The following BAIAP2L1 variants were observed in gnomAD, a reference collection of about 807,000 sequenced individuals.
The protein encoded by BAIAP2L1 is BAR/IMD domain-containing adapter protein 2-like 1.
In BAIAP2L1, 35 loss-of-function variants were observed where a neutral mutation model predicts 66.3. The ratio of observed to expected loss-of-function variants is 0.53; its 90% CI spans 0.40 to 0.70. The LOEUF (loss-of-function observed/expected upper bound fraction) is 0.70. Among genes scored for constraint, BAIAP2L1 ranks in the 30% least tolerant of loss-of-function variants. BAIAP2L1 has a pLI of 0.00. For synonymous variants in BAIAP2L1, 269 were observed against 248.7 expected (o/e 1.08, Z -0.77); for missense variants, 622 against 656.9 (o/e 0.95, Z 0.58).
intron 8 of BAIAP2L1, 98 bp from the exon 9 acceptor site, chr7:98,310,690 T>TTATTTATC (rs1196716030): frequency 3.4e-6 from 3 of 888,980 alleles, no homozygotes; most frequent in Non-Finnish European, 4.8e-6. Flanking sequence ...AATAGGCTAT[T>TTATTTATC]TATTTATTTA....
intron 3 of BAIAP2L1, among the ~76,000 whole-genome samples, chr7:98,343,539 G>T (rs963663712): frequency 1.3e-5 from 2 of 152,142 alleles, no homozygotes; most frequent in African/African-American, 2.4e-5. Flanking sequence ...TTGGGTTGAC[G>T]GTTTGTTTGC....
rs71112149 is a variant in BAIAP2L1 at position 98,377,967 on chromosome 7, TAA to T, written c.52-15537_52-15536del. On this transcript the variant is annotated intron_variant, in intron 1 of 13. Transcript: ENST00000005260. ...ACACATAGTGAAACCCCATCTCTAC[TAA>T]AAAAAAAAAATACAAAAATTAGCTG... Among the ~76,000 whole-genome samples the T allele has an allele frequency of 1.5e-3, 220 of 145,518 alleles. 1 individual carries two copies. Among genetic ancestry groups the T allele is most frequent in the African/African-American group, 4.6e-3 (180 of 39,328 alleles).
intron 1 of BAIAP2L1, among the ~76,000 whole-genome samples, chr7:98,374,691 A>C (rs976148069): frequency 9.2e-5 from 14 of 152,056 alleles, no homozygotes; most frequent in African/African-American, 3.4e-4. Context: ...GAATATAATT[A>C]ATCTAATAGC....
intron 1 of BAIAP2L1, among the ~76,000 whole-genome samples, chr7:98,376,368 G>T (rs949735081): frequency 4.6e-5 from 7 of 151,966 alleles, no homozygotes; most frequent in African/African-American, 1.7e-4. Context: ...TTAGCCAGGT[G>T]GGGTGGCATG....
intron 8 of BAIAP2L1, 149 bp downstream of exon 8, chr7:98,311,948 G>T: frequency 1.4e-6 from 1 of 734,614 alleles, no homozygotes; most frequent in Non-Finnish European, 2.2e-6. Context: ...AGCTACCTTC[G>T]CCCCTAAAGG....
At chr7:98,371,751 G>A (rs898379143) in intron 1 of BAIAP2L1, among the ~76,000 whole-genome samples, 1 of 151,818 alleles carries the variant, frequency 6.6e-6, no homozygotes, top group South Asian at 2.1e-4. Flanking sequence ...AGCCAGATAA[G>A]CTGAGTGGAC....
chr7:98,334,405 A>G (rs6465672), intron 3 of BAIAP2L1, among the ~76,000 whole-genome samples: 61,240 of 151,890 alleles, frequency 0.4, 13,311 homozygotes, highest in Middle Eastern at 0.55. Context: ...TTGAACTCAT[A>G]CTTCTAAAAT....
intron 3 of BAIAP2L1, among the ~76,000 whole-genome samples, chr7:98,336,015 G>A (rs1044122721): frequency 6.6e-6 from 1 of 152,132 alleles, no homozygotes; most frequent in Non-Finnish European, 1.5e-5. Context: ...TGCAGCTGGA[G>A]GCCAGTATCC....
intron 2 of BAIAP2L1, among the ~76,000 whole-genome samples, chr7:98,356,205 G>C (rs537834915): frequency 1.6e-4 from 25 of 152,320 alleles, no homozygotes; most frequent in African/African-American, 5.8e-4. Context: ...AAGAATGTGA[G>C]TGACAGATGA....
intron 3 of BAIAP2L1, among the ~76,000 whole-genome samples, chr7:98,352,407 G>GT (rs1802019451): frequency 2.0e-5 from 3 of 152,150 alleles, no homozygotes; most frequent in Admixed American, 2.0e-4. Context: ...TTTGAGAGGC[G>GT]TAGGCGGGTG....
At chr7:98,332,239 C>T (rs1301785153) in intron 3 of BAIAP2L1, among the ~76,000 whole-genome samples, 3 of 151,032 alleles carry the variant, frequency 2.0e-5, no homozygotes, top group East Asian at 3.9e-4. Context: ...AAAAATTAGC[C>T]GGGTGTGGTG....
At chr7:98,332,057 T>C (rs1801505859) in intron 3 of BAIAP2L1, among the ~76,000 whole-genome samples, 1 of 151,770 alleles carries the variant, frequency 6.6e-6, no homozygotes, top group Non-Finnish European at 1.5e-5. Context: ...GAGACAAAAA[T>C]CACATAGGTC....
chr7:98,338,870 G>A (rs1045819724), intron 3 of BAIAP2L1, among the ~76,000 whole-genome samples: 12 of 151,904 alleles, frequency 7.9e-5, no homozygotes, highest in Non-Finnish European at 1.6e-4. Context: ...GGTCAGGAGT[G>A]TGAGACCAGC....
chr7:98,400,944 A>T lies in BAIAP2L1; in HGVS notation c.-92T>A, dbSNP rs1174516334. 1.6e-6 allele frequency: 2 copies of T among 1,286,946 alleles called. No homozygotes were observed. The highest frequency in any genetic ancestry group is 3.2e-5 in the African/African-American group (2 of 62,734). The allele number at this position is 1,286,946 out of a possible 1,614,324, so 79.7% of individuals were successfully genotyped here. Reference sequence around the variant, plus strand: ...GCAGCGGGAGGGCCGGGGCGCGACTAAGGGGCTCTGGAGGGTCGGCCGCCG... The same window carrying T: ...GCAGCGGGAGGGCCGGGGCGCGACTTAGGGGCTCTGGAGGGTCGGCCGCCG... On this transcript the variant is annotated 5_prime_UTR_variant, in exon 1 of 14. Coordinates refer to ENST00000005260, the MANE Select transcript of BAIAP2L1 (RefSeq NM_018842.5).
intron 2 of BAIAP2L1, among the ~76,000 whole-genome samples, chr7:98,362,041 A>G (rs1240874474): frequency 6.6e-6 from 1 of 152,206 alleles, no homozygotes; most frequent in Non-Finnish European, 1.5e-5. Context: ...TCTGTGCTGT[A>G]GGACCCTAAC....
At chr7:98,299,965 C>T (rs367672127) in intron 12 of BAIAP2L1, among the ~76,000 whole-genome samples, 1 of 152,140 alleles carries the variant, frequency 6.6e-6, no homozygotes, top group Non-Finnish European at 1.5e-5. Flanking sequence ...TGCTTGAGCC[C>T]GGGAAGTGGA....
chr7:98,298,667 G>T (rs1800291539), intron 12 of BAIAP2L1, among the ~76,000 whole-genome samples: 1 of 152,158 alleles, frequency 6.6e-6, no homozygotes, highest in Admixed American at 6.5e-5. Context: ...GGATCCCAGT[G>T]TTTGGCCTGG....
chr7:98,386,486 C>T lies in BAIAP2L1; in HGVS notation c.51+14316G>A, dbSNP rs551765001. The T allele has an allele frequency of 3.1e-6, 5 of 1,597,276 alleles. No individual in the cohort carries two copies. In the South Asian group the frequency reaches 3.3e-5, roughly 11 times the overall value. On this transcript the variant is annotated intron_variant, in intron 1 of 13. Transcript: ENST00000005260. ...TTATACTGAACATAGCAGGTGCTTTCACATCATACCAATCTTTCTTAGAAA... is the reference window on the plus strand; with the variant it reads ...TTATACTGAACATAGCAGGTGCTTTTACATCATACCAATCTTTCTTAGAAA...
chr7:98,306,608 G>T, intron 10 of BAIAP2L1, 92 bp from the exon 11 acceptor site: 1 of 1,575,018 alleles, frequency 6.3e-7, no homozygotes, highest in Non-Finnish European at 8.7e-7. Context: ...AGGGCAGACA[G>T]GTCCACTGCT....
Sources: gnomAD v4.1 joint callset for allele counts (sites outside exome capture counted in the v4.1 genomes callset) on GRCh38, gnomAD v4.1.1 for gene constraint, MANE v1.5 for transcripts, NCBI Gene and HGNC (gene_info 2026-07-23, HGNC 2026-07-21) for gene names.